The following GAD2 variants were observed in gnomAD, a reference collection of about 807,000 sequenced individuals.
The protein encoded by GAD2 is glutamate decarboxylase 2.
GAD2 carries 22 observed loss-of-function variants against 80.1 expected under a neutral mutation model. The observed-to-expected ratio is 0.27, with a 90% CI of 0.20 to 0.39. The LOEUF is 0.39. GAD2 is among the 10% of genes least tolerant of loss of function. The pLI is 1.00. For synonymous variants in GAD2, 274 were observed against 256.9 expected, an observed-to-expected ratio of 1.07 and a Z score of -0.64; for missense variants, 624 against 738.4, an observed-to-expected ratio of 0.85 and a Z score of 1.80.
At chr10:26,248,267 A>G (rs978672051) in intron 8 of GAD2, among the ~76,000 whole-genome samples, 1 of 152,356 alleles carries the variant, frequency 6.6e-6, no homozygotes, top group Admixed American at 6.5e-5. Flanking sequence ...AGGCGAATTC[A>G]AAGGTTTTCT....
intron 13 of GAD2, among the ~76,000 whole-genome samples, chr10:26,287,387 G>C (rs1845346078): frequency 6.6e-6 from 1 of 152,154 alleles, no homozygotes; most frequent in Admixed American, 6.5e-5. Flanking sequence ...GTCTCTCTAA[G>C]AGAAAAGATG....
chr10:26,231,740 G>C (rs752577444), intron 7 of GAD2, among the ~76,000 whole-genome samples: 1 of 152,138 alleles, frequency 6.6e-6, no homozygotes, highest in African/African-American at 2.4e-5. Flanking sequence ...CTTCCTCGAG[G>C]CTCTCTGGAA....
At chr10:26,244,117 G>A (rs1844776770) in intron 7 of GAD2, among the ~76,000 whole-genome samples, 1 of 152,342 alleles carries the variant, frequency 6.6e-6, no homozygotes, top group South Asian at 2.1e-4. Flanking sequence ...CTAAGCACAT[G>A]ATGCTAAGCA....
chr10:26,279,446 C>T (rs1274965521), intron 11 of GAD2, among the ~76,000 whole-genome samples: 3 of 152,086 alleles, frequency 2.0e-5, no homozygotes, highest in Admixed American at 6.6e-5. Context: ...AGACCTAAGG[C>T]GTAGCTGGGG....
rs1844631610 is a variant in GAD2, at chr10:26,233,458, C to T, written c.840+3681C>T. 2.0e-5 allele frequency among the ~76,000 whole-genome samples: 3 copies of T among 152,136 alleles called. No individual in the cohort carries two copies. In the South Asian group the frequency reaches 6.2e-4, roughly 32 times the overall value. On this transcript the variant is annotated intron_variant, in intron 7 of 15. Transcript: ENST00000376261. ...CTCATTTAAAGCCGTCCTGCATCTTCTTGAACCCTTGACCCTAACCATCCT... is the reference window on the plus strand; with the variant it reads ...CTCATTTAAAGCCGTCCTGCATCTTTTTGAACCCTTGACCCTAACCATCCT...
upstream of GAD2, chr10:26,216,675 G>GCCGCTCGGCCCCGCCGGTCC: frequency 1.8e-6 from 1 of 541,508 alleles, no homozygotes; most frequent in Non-Finnish European, 3.1e-6. The surrounding 1 kb of genome is among the most constrained non-coding windows in gnomAD (Gnocchi z 4.7). Context: ...ACCCGCCCTC[G>GCCGCTCGGCCCCGCCGGTCC]CCGCTCGGCC....
rs937617088 is a variant in GAD2 at position 26,301,565 on chromosome 10, GA to G, written c.*605del. Reference sequence around the variant, plus strand: ...GGGGGCAGATATAAAATCTAAGCCAGATTTTTTTTTCCTTTCTCTTAATGGA... The same window carrying G: ...GGGGGCAGATATAAAATCTAAGCCAGTTTTTTTTTCCTTTCTCTTAATGGA... On this transcript the variant is annotated 3_prime_UTR_variant, in exon 16 of 16. Coordinates refer to ENST00000376261, the MANE Select transcript of GAD2 (RefSeq NM_001134366.2). 2.0e-5 allele frequency: 3 copies of G among 150,894 alleles called. No homozygotes were observed. Among genetic ancestry groups the G allele is most frequent in the African/African-American group, 7.3e-5 (3 of 41,366 alleles). 9.3% of individuals were successfully genotyped at this position (150,894 alleles called of 1,614,324 possible). A position where few individuals can be genotyped will look rare whatever the true frequency, so the allele number is the denominator to read the frequency against.
At chr10:26,247,595 C>A (rs12251044) in intron 8 of GAD2, among the ~76,000 whole-genome samples, 4,006 of 152,064 alleles carry the variant, frequency 0.026, 192 homozygotes, top group African/African-American at 0.092. Flanking sequence ...ACGTGGAATT[C>A]AGAAAGCTCT....
chr10:26,274,291 G>C (rs943475885), intron 11 of GAD2, among the ~76,000 whole-genome samples: 1 of 152,144 alleles, frequency 6.6e-6, no homozygotes, highest in Admixed American at 6.5e-5. Context: ...CTTTTATTTA[G>C]AGCCTACGCA....
chr10:26,303,059 G>T lies in GAD2; in HGVS notation c.*2098G>T, dbSNP rs8190809. ...TAATTGATCCAACCTGCTGTCCTTC[G>T]TGGAGAAGACAGTGGGGCCCAGTGC... On this transcript the variant is annotated 3_prime_UTR_variant, in exon 16 of 16. Transcript: ENST00000376261. 37,886 of 152,002 alleles carry T rather than the reference G, an allele frequency of 0.25. 5,505 individuals carry two copies. The highest frequency in any genetic ancestry group is 0.4 in the African/African-American group (16,553 of 41,422). The allele number at this position is 152,002 out of a possible 1,614,324, so 9.4% of individuals were successfully genotyped here. A position where few individuals can be genotyped will look rare whatever the true frequency, so the allele number is the denominator to read the frequency against.
chr10:26,224,705 G>A, intron 6 of GAD2, 54 bp downstream of exon 6: 1 of 1,266,566 alleles, frequency 7.9e-7, no homozygotes, highest in Middle Eastern at 1.9e-4. Context: ...GCAATGCCTT[G>A]TTGTAAACCT....
intron 15 of GAD2, 87 bp downstream of exon 15, chr10:26,293,078 G>A: frequency 4.6e-6 from 5 of 1,084,266 alleles, no homozygotes; most frequent in Middle Eastern, 2.0e-4. Context: ...GTGGCCTTAG[G>A]AGACAGCCTA....
At chr10:26,235,175 C>T (rs117829614) in intron 7 of GAD2, among the ~76,000 whole-genome samples, 9,387 of 152,122 alleles carry the variant, frequency 0.062, 367 homozygotes, top group Non-Finnish European at 0.086. Context: ...TGCCCGGCCC[C>T]GTTAGTTATT....
At chr10:26,231,200 G>A (rs1173534568) in intron 7 of GAD2, among the ~76,000 whole-genome samples, 1 of 152,210 alleles carries the variant, frequency 6.6e-6, no homozygotes, top group Non-Finnish European at 1.5e-5. Context: ...TGATAGCCAG[G>A]GAACTAGGAG....
chr10:26,286,366 C>G lies in GAD2; in HGVS notation c.1258C>G (p.Gln420Glu). The change falls in exon 13 of 16, where the codon CAA becomes GAA. Residue 420 changes from glutamine to glutamate, a missense_variant. Transcript: ENST00000376261. ...GTAGGGATTGATGCAGAATTGCAACCAAATGCATGCCTCCTACCTCTTTCA... is the reference window on the plus strand; with the variant it reads ...GTAGGGATTGATGCAGAATTGCAACGAAATGCATGCCTCCTACCTCTTTCA... The part of the protein sequence containing the change: ...REEGLMQNCN[Q>E]MHASYLFQQD... 1 of 1,613,478 alleles carries G rather than the reference C, an allele frequency of 6.2e-7. No homozygotes were observed. Among genetic ancestry groups the G allele is most frequent in the East Asian group, 2.2e-5 (1 of 44,864 alleles).
chr10:26,267,179 G>A lies in GAD2; in HGVS notation c.921-1940G>A, dbSNP rs374254866. Among the ~76,000 whole-genome samples the A allele has an allele frequency of 2.0e-5, 3 of 152,096 alleles. No homozygotes were observed. The East Asian group carries it at 5.8e-4, about 29-fold the overall frequency. ...TCCCAGGCAAAGGTGTTTAGCTTTT[G>A]GTAAAGTTGGGTAAAATTCAAGATT... is the stretch of plus-strand genomic sequence containing the variant. On this transcript the variant is annotated intron_variant, in intron 8 of 15. Transcript: ENST00000376261.
At chr10:26,245,604 A>AT (rs1005200557) in intron 7 of GAD2, among the ~76,000 whole-genome samples, 4,164 of 146,910 alleles carry the variant, frequency 0.028, 187 homozygotes, top group African/African-American at 0.095. Flanking sequence ...CACCCGGCTA[A>AT]TTTTTTTTTT....
At chr10:26,229,602 C>T in intron 6 of GAD2, 60 bp from the exon 7 acceptor site, 1 of 1,183,868 alleles carries the variant, frequency 8.4e-7, no homozygotes, top group South Asian at 1.3e-5. Flanking sequence ...AGGAATGTTG[C>T]TTGCATGTGA....
At chr10:26,288,145 A>C (rs76258052) in intron 13 of GAD2, among the ~76,000 whole-genome samples, 98 of 152,348 alleles carry the variant, frequency 6.4e-4, no homozygotes, top group Non-Finnish European at 1.3e-3. Context: ...GTGACCCACA[A>C]ATATTTTATG....
Sources: allele counts gnomAD v4.1 joint callset (sites outside exome capture counted in the v4.1 genomes callset), GRCh38; gene constraint gnomAD v4.1.1; non-coding constraint Gnocchi (gnomAD v3.1); transcripts MANE v1.5; gene names NCBI Gene and HGNC (gene_info 2026-07-23, HGNC 2026-07-21).